BMERB1: variants seen among roughly 807,000 people sequenced by gnomAD.
The protein encoded by BMERB1 is bMERB domain-containing protein 1.
Under a neutral mutation model 23.6 loss-of-function variants are expected in BMERB1, and 12 were observed. The observed-to-expected ratio is 0.51, with a 90% CI of 0.33 to 0.82. BMERB1 has a LOEUF of 0.82. Ranked by LOEUF, BMERB1 falls within the 40% of genes least tolerant of loss-of-function variation. The pLI, the probability that BMERB1 is intolerant of heterozygous loss-of-function variation, is 0.03. For synonymous variants in BMERB1, 122 were observed against 96.6 expected (o/e 1.26, Z -1.54); for missense variants, 247 against 255.4 (o/e 0.97, Z 0.22).
chr16:15,546,678 TCTAA>T (rs1303518948), intron 2 of BMERB1, among the ~76,000 whole-genome samples: 1 of 152,206 alleles, frequency 6.6e-6, no homozygotes, highest in African/African-American at 2.4e-5. Context: ...CTTCTTCTAG[TCTAA>T]CTAAGGTCTG....
chr16:15,562,819 C>T (rs1385691850), intron 2 of BMERB1, among the ~76,000 whole-genome samples: 2 of 152,166 alleles, frequency 1.3e-5, no homozygotes, highest in Non-Finnish European at 2.9e-5. Flanking sequence ...CTGTGCCCTC[C>T]CGGCAAGTCC....
intron 1 of BMERB1, among the ~76,000 whole-genome samples, chr16:15,485,741 C>G (rs1358796374): frequency 6.6e-6 from 1 of 150,668 alleles, no homozygotes; most frequent in African/African-American, 2.4e-5. Flanking sequence ...CAAACAACAA[C>G]AAGAAAAACT....
chr16:15,527,515 A>G (rs113189271), intron 2 of BMERB1, among the ~76,000 whole-genome samples: 2,692 of 152,208 alleles, frequency 0.018, 82 homozygotes, highest in African/African-American at 0.062. Context: ...TGAGGGATGA[A>G]AATCACTTGA....
intron 1 of BMERB1, among the ~76,000 whole-genome samples, chr16:15,486,222 A>G (rs911167253): frequency 6.8e-6 from 1 of 146,326 alleles, no homozygotes; most frequent in African/African-American, 2.5e-5. Context: ...AAAAAAAGCC[A>G]GGTTGTTTTG....
intron 1 of BMERB1, among the ~76,000 whole-genome samples, chr16:15,500,642 G>T (rs374071391): frequency 2.4e-4 from 36 of 152,278 alleles, no homozygotes; most frequent in African/African-American, 8.4e-4. Flanking sequence ...ATTCCAAATT[G>T]AGATCTGTTC....
At chr16:15,499,771 T>C (rs1349669020) in intron 1 of BMERB1, among the ~76,000 whole-genome samples, 1 of 152,186 alleles carries the variant, frequency 6.6e-6, no homozygotes, top group African/African-American at 2.4e-5. Context: ...CGAGCTTTTC[T>C]CTTGCCAACA....
At chr16:15,460,027 C>T (rs1410570661) in intron 1 of BMERB1, among the ~76,000 whole-genome samples, 1 of 152,108 alleles carries the variant, frequency 6.6e-6, no homozygotes, top group East Asian at 1.9e-4. Context: ...CTCACATTCT[C>T]ATTGATTTAG....
At chr16:15,562,284 C>T (rs2030442502) in intron 2 of BMERB1, among the ~76,000 whole-genome samples, 6 of 136,982 alleles carry the variant, frequency 4.4e-5, no homozygotes, top group Admixed American at 2.4e-4. Context: ...GCCTAGGCAA[C>T]GAGAGCAAAA....
intron 3 of BMERB1, among the ~76,000 whole-genome samples, chr16:15,569,693 GCAGGTCCACGTGGATCATCATTCAT>G (rs1284360893): frequency 1.3e-5 from 2 of 152,158 alleles, no homozygotes; most frequent in African/African-American, 2.4e-5. Flanking sequence ...CTTCTGGGTG[GCAGGTCCACGTGGATCATCATTCAT>G]CAGAAATGCA....
chr16:15,474,321 C>A (rs2051257689), intron 1 of BMERB1, among the ~76,000 whole-genome samples: 1 of 151,996 alleles, frequency 6.6e-6, no homozygotes, highest in African/African-American at 2.4e-5. Context: ...AATAATTTTT[C>A]AGTACCATAT....
chr16:15,574,947 C>T (rs2030820570), intron 3 of BMERB1, among the ~76,000 whole-genome samples: 1 of 152,110 alleles, frequency 6.6e-6, no homozygotes, highest in Non-Finnish European at 1.5e-5. Flanking sequence ...CGTGTGGTGG[C>T]GCCTGCCTGT....
chr16:15,586,583 T>TGAACAAGGCCTG, intron 5 of BMERB1, 134 bp from the exon 6 acceptor site: 1 of 726,414 alleles, frequency 1.4e-6, no homozygotes. Flanking sequence ...CCATACCACC[T>TGAACAAGGCCTG]GAACAAGGCC....
intron 2 of BMERB1, among the ~76,000 whole-genome samples, chr16:15,515,981 A>G (rs757577662): frequency 1.3e-5 from 2 of 152,070 alleles, no homozygotes; most frequent in African/African-American, 4.8e-5. Context: ...TTGGGCTCTG[A>G]GTGTGTGGTG....
At chr16:15,471,003 A>AT (rs2051224928) in intron 1 of BMERB1, among the ~76,000 whole-genome samples, 1 of 150,528 alleles carries the variant, frequency 6.6e-6, no homozygotes, top group Admixed American at 6.6e-5. Context: ...CGCCCAGCTA[A>AT]TTTTTTGTAT....
intron 1 of BMERB1, among the ~76,000 whole-genome samples, chr16:15,481,727 CT>C (rs879776666): frequency 1.9e-3 from 279 of 144,078 alleles, no homozygotes; most frequent in Admixed American, 3.9e-3. Context: ...TCTTTTCTTT[CT>C]TTTTTTTTTT....
chr16:15,503,157 G>A (rs1301246486), intron 1 of BMERB1, among the ~76,000 whole-genome samples: 1 of 152,218 alleles, frequency 6.6e-6, no homozygotes. Context: ...CTGTGTAAAT[G>A]AAGTGATGTG....
intron 1 of BMERB1, among the ~76,000 whole-genome samples, chr16:15,444,962 T>C (rs2050976489): frequency 1.3e-5 from 2 of 152,200 alleles, no homozygotes; most frequent in African/African-American, 4.8e-5. Context: ...TGTGGCACAA[T>C]CACAGCTCTT....
At chr16:15,521,235 G>A (rs2150955789) in intron 2 of BMERB1, among the ~76,000 whole-genome samples, 1 of 152,246 alleles carries the variant, frequency 6.6e-6, no homozygotes, top group Non-Finnish European at 1.5e-5. Flanking sequence ...CAAACCCCTG[G>A]TGTTTCAGTA....
chr16:15,585,298 T>C (rs1239433495), intron 5 of BMERB1, among the ~76,000 whole-genome samples: 2 of 152,132 alleles, frequency 1.3e-5, no homozygotes, highest in Non-Finnish European at 2.9e-5. Flanking sequence ...AAAGAAATGA[T>C]TCTGGCGAGA....
Sources: gnomAD v4.1 joint callset for allele counts (sites outside exome capture counted in the v4.1 genomes callset) on GRCh38, gnomAD v4.1.1 for gene constraint, MANE v1.5 for transcripts, NCBI Gene and HGNC (gene_info 2026-07-23, HGNC 2026-07-21) for gene names.